The following EYS variants were observed in gnomAD, a reference collection of about 807,000 sequenced individuals.
EYS encodes EGF-like photoreceptor maintenance factor.
EYS carries 250 observed loss-of-function variants against 282.1 expected under a neutral mutation model. That is an observed-to-expected ratio of 0.89 (90% CI 0.80 to 0.98). The LOEUF (loss-of-function observed/expected upper bound fraction) is 0.98, where lower values mean the gene tolerates loss of function less well. Ranked by LOEUF, EYS falls within the 50% of genes least tolerant of loss-of-function variation. The probability of loss-of-function intolerance (pLI) is 0.00; values close to 1 mark genes in which losing one functional copy is unlikely to be tolerated. For missense variants in EYS, 4,016 were observed against 3,709.0 expected, an observed-to-expected ratio of 1.08 and a Z score of -2.15; for synonymous variants, 1,355 against 1,282.9, an observed-to-expected ratio of 1.06 and a Z score of -1.20.
chr6:65,220,948 T>C (rs1766447877), intron 12 of EYS, among the ~76,000 whole-genome samples: 2 of 152,116 alleles, frequency 1.3e-5, no homozygotes, highest in Admixed American at 1.3e-4. Flanking sequence ...AACCCTACCC[T>C]AGAGATTTGT....
At chr6:65,279,193 A>T (rs942125494) in intron 12 of EYS, among the ~76,000 whole-genome samples, 2 of 150,302 alleles carry the variant, frequency 1.3e-5, no homozygotes, top group African/African-American at 2.4e-5. Flanking sequence ...TGGCTCTATA[A>T]AAAAAAATAA....
At chr6:64,205,814 TACACACACACAC>T (rs147264812) in intron 31 of EYS, among the ~76,000 whole-genome samples, 3 of 136,376 alleles carry the variant, frequency 2.2e-5, no homozygotes, top group Non-Finnish European at 3.2e-5. Context: ...TAGGCATTCA[TACACACACACAC>T]ACACACACAC....
At chr6:64,103,463 T>G (rs1165864651) in intron 31 of EYS, among the ~76,000 whole-genome samples, 1 of 152,098 alleles carries the variant, frequency 6.6e-6, no homozygotes, top group Non-Finnish European at 1.5e-5. Flanking sequence ...AATTAGCTAC[T>G]TATACCAGGA....
At chr6:64,079,391 G>C (rs1771883127) in intron 32 of EYS, among the ~76,000 whole-genome samples, 1 of 151,810 alleles carries the variant, frequency 6.6e-6, no homozygotes, top group Admixed American at 6.6e-5. Context: ...ACTTCACCTG[G>C]CTTTCCTAAA....
chr6:65,500,741 T>C (rs954116510), intron 2 of EYS, among the ~76,000 whole-genome samples: 2 of 151,996 alleles, frequency 1.3e-5, no homozygotes, highest in Non-Finnish European at 2.9e-5. Context: ...TGTACCTTCA[T>C]TCAATTCCCT....
intron 35 of EYS, among the ~76,000 whole-genome samples, chr6:63,884,130 A>G (rs1037445443): frequency 3.3e-5 from 5 of 152,210 alleles, no homozygotes; most frequent in Non-Finnish European, 7.3e-5. Flanking sequence ...TATAATGGTC[A>G]TGCAGTAAAT....
At chr6:65,265,676 C>T (rs1014586428) in intron 12 of EYS, among the ~76,000 whole-genome samples, 1 of 151,882 alleles carries the variant, frequency 6.6e-6, no homozygotes, top group African/African-American at 2.4e-5. Context: ...TAGAACTACT[C>T]AGAAAACAGG....
At chr6:65,607,557 C>T (rs1357203564) in intron 2 of EYS, among the ~76,000 whole-genome samples, 1 of 151,726 alleles carries the variant, frequency 6.6e-6, no homozygotes, top group East Asian at 1.9e-4. Flanking sequence ...CTTTTAATTA[C>T]TTTTTGAAAA....
Position 64,125,382 on chromosome 6 carries a change from C to T in EYS, c.6425-43380G>A, listed in dbSNP as rs146546552. Among the ~76,000 whole-genome samples the T allele has an allele frequency of 8.3e-4, 126 of 151,610 alleles. 1 individual carries two copies. The East Asian group carries it at 0.021, about 25-fold the overall frequency. ...CAGCCTTACATGGTCTGAATTATGC[C>T]CCGTTGTAAAAGAAAGGAGCACTTT... On this transcript the variant is annotated intron_variant, in intron 31 of 42. Transcript: ENST00000503581.
chr6:64,292,152 A>G (rs1230297599), intron 30 of EYS, among the ~76,000 whole-genome samples: 5 of 152,092 alleles, frequency 3.3e-5, no homozygotes, highest in African/African-American at 1.2e-4. Context: ...CAGAAATACA[A>G]CAGCTTAACT....
intron 11 of EYS, among the ~76,000 whole-genome samples, chr6:65,298,751 C>A (rs1447277560): frequency 6.6e-6 from 1 of 151,018 alleles, no homozygotes; most frequent in Non-Finnish European, 1.5e-5. Flanking sequence ...TATTTAAATT[C>A]TCAAAAATGA....
chr6:64,229,428 TATA>T (rs1468958284), intron 31 of EYS, among the ~76,000 whole-genome samples: 1 of 152,328 alleles, frequency 6.6e-6, no homozygotes, highest in Non-Finnish European at 1.5e-5. Context: ...ACTCAAAGAA[TATA>T]ATATAAATGG....
intron 24 of EYS, among the ~76,000 whole-genome samples, chr6:64,606,494 A>G (rs1766942137): frequency 6.6e-6 from 1 of 152,020 alleles, no homozygotes; most frequent in Admixed American, 6.6e-5. Flanking sequence ...GTATTATTCT[A>G]TACCAACCCA....
intron 5 of EYS, among the ~76,000 whole-genome samples, chr6:65,481,705 C>T (rs919286629): frequency 2.6e-5 from 4 of 152,046 alleles, no homozygotes; most frequent in African/African-American, 7.2e-5. Flanking sequence ...CCCGCCACCA[C>T]GCTCGGCTAA....
chr6:64,882,899 C>T (rs561898694), intron 19 of EYS, among the ~76,000 whole-genome samples: 6 of 151,428 alleles, frequency 4.0e-5, no homozygotes, highest in African/African-American at 1.2e-4. Flanking sequence ...ATCAGAATTT[C>T]ACAAAACTAT....
intron 41 of EYS, among the ~76,000 whole-genome samples, chr6:63,736,932 G>A (rs944924746): frequency 6.6e-6 from 1 of 152,166 alleles, no homozygotes; most frequent in African/African-American, 2.4e-5. Flanking sequence ...TTTATACGTT[G>A]ATTTTGTATC....
intron 12 of EYS, among the ~76,000 whole-genome samples, chr6:65,147,890 T>C (rs1194682523): frequency 6.6e-6 from 1 of 151,652 alleles, no homozygotes; most frequent in Non-Finnish European, 1.5e-5. Context: ...GACAGAGAAG[T>C]GTTAGAAGGG....
At chr6:63,771,744 T>C (rs1461745083) in intron 40 of EYS, among the ~76,000 whole-genome samples, 1 of 152,076 alleles carries the variant, frequency 6.6e-6, no homozygotes, top group Non-Finnish European at 1.5e-5. Context: ...AGTGAATTCT[T>C]ACCTCTGACT....
chr6:65,599,219 T>A (rs1765526453), intron 2 of EYS, among the ~76,000 whole-genome samples: 1 of 151,954 alleles, frequency 6.6e-6, no homozygotes, highest in Admixed American at 6.6e-5. Context: ...TGGCCAACTG[T>A]AATTATTGAA....
Sources: gnomAD v4.1 joint callset for allele counts (sites outside exome capture counted in the v4.1 genomes callset) on GRCh38, gnomAD v4.1.1 for gene constraint, MANE v1.5 for transcripts, NCBI Gene and HGNC (gene_info 2026-07-23, HGNC 2026-07-21) for gene names.